The following DIPK1A variants were observed in gnomAD, a reference collection of about 807,000 sequenced individuals.
DIPK1A encodes the protein family with sequence similarity 69 member A.
In DIPK1A, 27 loss-of-function variants were observed where a neutral mutation model predicts 40.8. The observed-to-expected ratio is 0.66, with a 90% CI of 0.49 to 0.91. The LOEUF (loss-of-function observed/expected upper bound fraction) is 0.91. Among genes scored for constraint, DIPK1A ranks in the 40% least tolerant of loss-of-function variants. The probability of loss-of-function intolerance (pLI) is 0.00; values close to 1 mark genes in which losing one functional copy is unlikely to be tolerated. For missense variants in DIPK1A, 412 were observed against 505.7 expected (o/e 0.81, Z 1.78); for synonymous variants, 166 against 171.3 (o/e 0.97, Z 0.24).
At chr1:92,866,754 C>T (rs1462678438) in intron 2 of DIPK1A, among the ~76,000 whole-genome samples, 1 of 152,112 alleles carries the variant, frequency 6.6e-6, no homozygotes, top group Non-Finnish European at 1.5e-5. Flanking sequence ...CTGAGGATTC[C>T]TTGATGAAAA....
intron 1 of DIPK1A, among the ~76,000 whole-genome samples, chr1:92,927,382 T>G (rs1000857521): frequency 8.7e-5 from 13 of 149,410 alleles, no homozygotes; most frequent in Admixed American, 1.3e-4. Context: ...TTTTTTTTTT[T>G]TTTTTGCAGA....
At chr1:92,908,792 G>C (rs1649721725) in intron 1 of DIPK1A, among the ~76,000 whole-genome samples, 1 of 152,090 alleles carries the variant, frequency 6.6e-6, no homozygotes, top group Non-Finnish European at 1.5e-5. Context: ...ATCCAAAGAG[G>C]GGACAAAGGG....
At chr1:92,948,683 A>G (rs1475328245) in intron 1 of DIPK1A, among the ~76,000 whole-genome samples, 2 of 121,722 alleles carry the variant, frequency 1.6e-5, no homozygotes, top group Non-Finnish European at 3.7e-5. Context: ...ATATACATGT[A>G]TATGTATATA....
At chr1:92,848,794 A>C (rs1270090102) in intron 3 of DIPK1A, among the ~76,000 whole-genome samples, 1 of 152,168 alleles carries the variant, frequency 6.6e-6, no homozygotes, top group African/African-American at 2.4e-5. Context: ...CAAATGTTGG[A>C]CTTTGTTTTA....
chr1:92,871,139 T>C (rs893552003), intron 2 of DIPK1A, among the ~76,000 whole-genome samples: 2 of 152,120 alleles, frequency 1.3e-5, no homozygotes, highest in Admixed American at 1.3e-4. Flanking sequence ...TGCCTTCCTT[T>C]GGACTGACTA....
At position 92,949,825 on chromosome 1, in the gene DIPK1A, G is replaced by A. The variant is rs529615565; in HGVS notation, c.54+11551C>T. 1.2e-3 allele frequency among the ~76,000 whole-genome samples: 178 copies of A among 152,244 alleles called. 1 individual carries two copies. Among genetic ancestry groups the A allele is most frequent in the Non-Finnish European group, 1.3e-3 (90 of 68,012 alleles). ...CTGTGTACACATTCTTTCAGATAAG[G>A]AATTAGTTTATCTAATCAGTTCTAT... On this transcript the variant is annotated intron_variant, in intron 1 of 4. Transcript: ENST00000370310.
intron 3 of DIPK1A, 60 bp downstream of exon 3, chr1:92,850,788 A>C (rs1687793647): frequency 9.4e-7 from 1 of 1,060,286 alleles, no homozygotes; most frequent in Non-Finnish European, 1.4e-6. Flanking sequence ...TAATGCCTTT[A>C]ATTTCTGGTA....
intron 1 of DIPK1A, among the ~76,000 whole-genome samples, chr1:92,892,695 A>C (rs1412248579): frequency 1.3e-5 from 2 of 152,114 alleles, no homozygotes; most frequent in African/African-American, 4.8e-5. Flanking sequence ...AGATGATCAA[A>C]CTACTCCGAG....
At chr1:92,953,981 CTA>C (rs144261292) in intron 1 of DIPK1A, among the ~76,000 whole-genome samples, 3,994 of 152,116 alleles carry the variant, frequency 0.026, 187 homozygotes, top group African/African-American at 0.092. Flanking sequence ...AGAAAGATAA[CTA>C]TTTAATTTCA....
chr1:92,869,644 A>G (rs988106840), intron 2 of DIPK1A, among the ~76,000 whole-genome samples: 3 of 152,296 alleles, frequency 2.0e-5, no homozygotes, highest in Admixed American at 2.0e-4. Context: ...TTGACTGAAG[A>G]TTTTGAACGG....
intron 2 of DIPK1A, among the ~76,000 whole-genome samples, chr1:92,853,169 A>T (rs1401304821): frequency 1.3e-5 from 2 of 152,214 alleles, no homozygotes; most frequent in African/African-American, 4.8e-5. Context: ...AAAAAAGACA[A>T]AGTATATCCA....
intron 2 of DIPK1A, among the ~76,000 whole-genome samples, chr1:92,867,643 T>C (rs753400570): frequency 3.9e-5 from 6 of 152,054 alleles, no homozygotes; most frequent in Non-Finnish European, 7.4e-5. Flanking sequence ...CTAGCTGGGA[T>C]TATAGGCGTG....
intron 2 of DIPK1A, 59 bp downstream of exon 2, chr1:92,876,237 G>T: frequency 9.7e-7 from 1 of 1,028,084 alleles, no homozygotes; most frequent in Non-Finnish European, 1.3e-6. Flanking sequence ...AAGTATGTAA[G>T]CAGTAAATAT....
At chr1:92,917,350 G>A (rs150435120) in intron 1 of DIPK1A, among the ~76,000 whole-genome samples, 28 of 152,130 alleles carry the variant, frequency 1.8e-4, no homozygotes, top group Middle Eastern at 3.4e-3. Context: ...AAATCATTAT[G>A]AGTTTTTCAA....
rs200772479 is a variant in DIPK1A, at chr1:92,834,927, G to T, written c.475-1893C>A. On this transcript the variant is annotated intron_variant, in intron 4 of 4. Transcript: ENST00000615519. ...CTGGCCCGCAGGGTATGTACAAGAT[G>T]ATTTTAATTGATGTAGTTTGTGGCT... is the stretch of plus-strand genomic sequence containing the variant. The T allele has an allele frequency of 5.9e-4, 942 of 1,600,108 alleles. 1 individual carries two copies. The highest frequency in any genetic ancestry group is 7.7e-4 in the Non-Finnish European group (905 of 1,179,962).
intron 1 of DIPK1A, among the ~76,000 whole-genome samples, chr1:92,928,878 C>T (rs1650626710): frequency 1.3e-5 from 2 of 152,096 alleles, no homozygotes; most frequent in East Asian, 1.9e-4. Context: ...AGGAGAATTG[C>T]TCGAACCTGG....
intron 1 of DIPK1A, among the ~76,000 whole-genome samples, chr1:92,902,647 T>A (rs1571109306): frequency 6.6e-6 from 1 of 152,190 alleles, no homozygotes; most frequent in African/African-American, 2.4e-5. Context: ...AAGGTGTTGA[T>A]AGGGGTTGCT....
At chr1:92,842,141 G>A, downstream of DIPK1A, 1 of 1,026,190 alleles carries the variant, frequency 9.7e-7, no homozygotes, top group Non-Finnish European at 1.2e-6. Flanking sequence ...AATTTGGCAA[G>A]CAACAGACCA....
intron 1 of DIPK1A, among the ~76,000 whole-genome samples, chr1:92,926,554 T>G (rs1650517994): frequency 6.6e-6 from 1 of 152,224 alleles, no homozygotes; most frequent in Non-Finnish European, 1.5e-5. Context: ...TAAGATCTTC[T>G]ATATCTGTAC....
Sources: gnomAD v4.1 joint callset for allele counts (sites outside exome capture counted in the v4.1 genomes callset) on GRCh38, gnomAD v4.1.1 for gene constraint, MANE v1.5 for transcripts, NCBI Gene and HGNC (gene_info 2026-07-23, HGNC 2026-07-21) for gene names.